BRSK2: variants seen among roughly 807,000 people sequenced by gnomAD.
The protein encoded by BRSK2 is BR serine/threonine kinase 2, also known as serine/threonine-protein kinase BRSK2.
Under a neutral mutation model 83.3 loss-of-function variants are expected in BRSK2, and 19 were observed. The observed-to-expected ratio is 0.23, with a 90% CI of 0.16 to 0.33. The LOEUF (loss-of-function observed/expected upper bound fraction) is 0.33, where lower values mean the gene tolerates loss of function less well. Ranked by LOEUF, BRSK2 falls within the 10% of genes least tolerant of loss-of-function variation. BRSK2 has a pLI of 1.00. For missense variants in BRSK2, 798 were observed against 1,042.3 expected, an observed-to-expected ratio of 0.77 and a Z score of 3.23; for synonymous variants, 519 against 435.4, an observed-to-expected ratio of 1.19 and a Z score of -2.39.
rs1847421020 is a variant in BRSK2, at chr11:1,460,905, CTT to C, written c.*185_*186del. 6.2e-7 allele frequency: 1 copy of C among 1,610,002 alleles called. No homozygotes were observed. Among genetic ancestry groups the C allele is most frequent in the Non-Finnish European group, 8.5e-7 (1 of 1,178,640 alleles). ...GGGCTGCGCCACCCGCGCCCGCTCTCTTTTCTCTCTGTCTCTGCCTCTGCCTG... is the reference window on the plus strand; with the variant it reads ...GGGCTGCGCCACCCGCGCCCGCTCTCTTCTCTCTGTCTCTGCCTCTGCCTG... On this transcript the variant is annotated 3_prime_UTR_variant, in exon 20 of 20. Transcript: ENST00000528841.
intron 12 of BRSK2, chr11:1,447,751 G>T: frequency 6.4e-7 from 1 of 1,563,808 alleles, no homozygotes; most frequent in South Asian, 1.1e-5. Context: ...ACCTGTGCCC[G>T]CGTGTGGCCG....
At chr11:1,446,813 A>G (rs1852200422) in intron 12 of BRSK2, among the ~76,000 whole-genome samples, 1 of 152,186 alleles carries the variant, frequency 6.6e-6, no homozygotes, top group South Asian at 2.1e-4. Context: ...GCACACCAGG[A>G]GGTCCAGGAG....
intron 1 of BRSK2, among the ~76,000 whole-genome samples, chr11:1,393,946 C>G (rs1420477298): frequency 2.5e-5 from 3 of 117,688 alleles, no homozygotes; most frequent in Admixed American, 8.8e-5. Context: ...GGAGATGGGT[C>G]CTGGAGATGG....
intron 1 of BRSK2, among the ~76,000 whole-genome samples, chr11:1,393,797 G>A (rs1590284252): frequency 6.6e-6 from 1 of 152,366 alleles, no homozygotes; most frequent in South Asian, 2.1e-4. Context: ...GGTCTGAGAT[G>A]GGGTCTGTTT....
intron 1 of BRSK2, among the ~76,000 whole-genome samples, chr11:1,404,949 G>T (rs990663835): frequency 2.0e-5 from 2 of 101,522 alleles, no homozygotes; most frequent in Admixed American, 1.0e-4. Context: ...CCTGACACAA[G>T]GCCCCCAAGG....
intron 14 of BRSK2, 79 bp from the exon 15 acceptor site, chr11:1,451,292 C>A: frequency 1.3e-6 from 2 of 1,550,508 alleles, no homozygotes; most frequent in Non-Finnish European, 8.9e-7. Context: ...ATGACCCTGA[C>A]CTCGGCGCAA....
At chr11:1,416,976 T>C (rs1848164469) in intron 1 of BRSK2, among the ~76,000 whole-genome samples, 1 of 152,034 alleles carries the variant, frequency 6.6e-6, no homozygotes, top group African/African-American at 2.4e-5. Flanking sequence ...CTGGCCAACA[T>C]GGTGAAACCC....
At chr11:1,411,530 T>A (rs1431120779) in intron 1 of BRSK2, 15 of 1,544,706 alleles carry the variant, frequency 9.7e-6, no homozygotes, top group Non-Finnish European at 1.3e-5. Context: ...GGGCCGCACA[T>A]CACAGAGTGC....
In BRSK2 at chr11:1,390,671, G is replaced by A. The variant is rs1179478995; in HGVS notation, c.91+296G>A. ...GCGCCCCTCGGGCCCCGCTGCAGGT[G>A]CGCGGCCCGGGCCGCATTGTGCGCC... On this transcript the variant is annotated intron_variant, in intron 1 of 19. Transcript: ENST00000528841. This position sits in a 1 kb window ranked among gnomAD's most constrained non-coding sequence, Gnocchi z 6.8. 6.7e-6 allele frequency among the ~76,000 whole-genome samples: 1 copy of A among 148,926 alleles called. No homozygotes were observed. Among genetic ancestry groups the A allele is most frequent in the East Asian group, 2.0e-4 (1 of 5,124 alleles).
rs1057174588 is a variant in BRSK2, at chr11:1,390,640, G to T, written c.91+265G>T. On this transcript the variant is annotated intron_variant, in intron 1 of 19. Coordinates refer to ENST00000528841, the MANE Select transcript of BRSK2 (RefSeq NM_001256627.2). This position sits in a 1 kb window ranked among gnomAD's most constrained non-coding sequence, Gnocchi z 6.8. ...GGCGCGCAGGCGGACAGGGGCGCAC[G>T]GGACGGCGCCCCTCGGGCCCCGCTG... 4.1e-5 allele frequency among the ~76,000 whole-genome samples: 6 copies of T among 147,466 alleles called. No individual in the cohort carries two copies. Among genetic ancestry groups the T allele is most frequent in the African/African-American group, 1.2e-4 (5 of 40,948 alleles).
At position 1,443,254 on chromosome 11, in the gene BRSK2, C is replaced by T. The variant is rs1851600969; in HGVS notation, c.565-81C>T. On this transcript the variant is annotated intron_variant, in intron 6 of 19. Transcript: ENST00000528841. Reference sequence around the variant, plus strand: ...TGCTGCTAGGCTGCCTGTCCCCGGGCCGACTCCCTCTGAGCCCAGGCCCTC... The same window carrying T: ...TGCTGCTAGGCTGCCTGTCCCCGGGTCGACTCCCTCTGAGCCCAGGCCCTC... 17 of 1,524,716 alleles carry T rather than the reference C, an allele frequency of 1.1e-5. No individual in the cohort carries two copies. In the South Asian group the frequency reaches 1.8e-4, roughly 16 times the overall value. The allele number at this position is 1,524,716 out of a possible 1,614,324, so 94.4% of individuals were successfully genotyped here. A position where few individuals can be genotyped will look rare whatever the true frequency, so the allele number is the denominator to read the frequency against.
At chr11:1,401,073 A>G (rs1407937624) in intron 1 of BRSK2, among the ~76,000 whole-genome samples, 1 of 152,168 alleles carries the variant, frequency 6.6e-6, no homozygotes. Flanking sequence ...ACCAGCAGAC[A>G]GAATAGTGGT....
intron 1 of BRSK2, among the ~76,000 whole-genome samples, chr11:1,434,322 G>A (rs1444305255): frequency 6.6e-6 from 1 of 152,114 alleles, no homozygotes; most frequent in Non-Finnish European, 1.5e-5. Flanking sequence ...TAGGAGTGGG[G>A]TCCCCTGTGA....
At position 1,442,441 on chromosome 11, in the gene BRSK2, G is replaced by A. The variant is rs370524119; in HGVS notation, c.414-49G>A. 722 of 1,490,984 alleles carry A rather than the reference G, an allele frequency of 4.8e-4. 1 individual carries two copies. The highest frequency in any genetic ancestry group is 6.3e-4 in the Non-Finnish European group (674 of 1,072,380). 92.4% of individuals were successfully genotyped at this position (1,490,984 alleles called of 1,614,324 possible). A position where few individuals can be genotyped will look rare whatever the true frequency, so the allele number is the denominator to read the frequency against. The stretch of plus-strand genomic sequence containing the variant: ...CAGGGGGTCTCCAGGGCGGGGAGGC[G>A]CTCAAGGCAGAGACTGGCCCTGTTC... On this transcript the variant is annotated intron_variant, in intron 4 of 19. Coordinates refer to ENST00000528841, the MANE Select transcript of BRSK2 (RefSeq NM_001256627.2).
At chr11:1,445,121 C>T (rs893571321) in intron 9 of BRSK2, 119 bp downstream of exon 9, 26 of 1,499,112 alleles carry the variant, frequency 1.7e-5, no homozygotes, top group Non-Finnish European at 2.2e-5. Flanking sequence ...TGCCTTGGCC[C>T]TCCGTGGCCT....
At chr11:1,392,836 G>A (rs1421879815) in intron 1 of BRSK2, among the ~76,000 whole-genome samples, 1 of 152,194 alleles carries the variant, frequency 6.6e-6, no homozygotes, top group Admixed American at 6.5e-5. Flanking sequence ...GGCCAGTGTG[G>A]CTGTAGGGTC....
At chr11:1,441,050 GCCC>G (rs1225302413) in intron 4 of BRSK2, 122 bp downstream of exon 4, 71 of 802,620 alleles carry the variant, frequency 8.8e-5, no homozygotes, top group Non-Finnish European at 5.4e-5. Flanking sequence ...GGTACACCAT[GCCC>G]CCCATTAGCT....
In BRSK2 at chr11:1,454,937, C is replaced by T. The variant is rs1175164021; in HGVS notation, c.1668+329C>T. 6.6e-6 allele frequency among the ~76,000 whole-genome samples: 1 copy of T among 152,078 alleles called. No individual in the cohort carries two copies. The highest frequency in any genetic ancestry group is 2.4e-5 in the African/African-American group (1 of 41,366). ...GAAGGAAGGCTCCAGCTGGGTGGGT[C>T]TCAGAGGGGGACATTTCCATCAGAC... On this transcript the variant is annotated intron_variant, in intron 16 of 19. Transcript: ENST00000528841. The surrounding 1 kb of genome is among the most constrained non-coding windows in gnomAD (Gnocchi z 5.2).
At chr11:1,407,515 C>T (rs531944991) in intron 1 of BRSK2, among the ~76,000 whole-genome samples, 9 of 152,196 alleles carry the variant, frequency 5.9e-5, no homozygotes, top group Non-Finnish European at 1.3e-4. Flanking sequence ...AATTGCTGAC[C>T]CCCAGGAGAC....
Sources: allele counts gnomAD v4.1 joint callset (sites outside exome capture counted in the v4.1 genomes callset), GRCh38; gene constraint gnomAD v4.1.1; non-coding constraint Gnocchi (gnomAD v3.1); transcripts MANE v1.5; gene names NCBI Gene and HGNC (gene_info 2026-07-23, HGNC 2026-07-21).